GPR75: variants seen among roughly 807,000 people sequenced by gnomAD.
GPR75 encodes probable G protein-coupled receptor 75.
Under a neutral mutation model 26.0 loss-of-function variants are expected in GPR75, and 27 were observed. That is an observed-to-expected ratio of 1.04 (90% CI 0.77 to 1.43). GPR75 has a LOEUF of 1.43. Ranked by LOEUF, GPR75 falls within the 40% of genes most tolerant of loss-of-function variation. The pLI is 0.00. For synonymous variants in GPR75, 285 were observed against 256.3 expected (o/e 1.11, Z -1.07); for missense variants, 699 against 662.3 (o/e 1.06, Z -0.61).
rs140565025 is a variant in GPR75 at position 53,854,292 on chromosome 2, C to A, written c.465G>T (p.Thr155=). 110 of 1,613,810 alleles carry A rather than the reference C, an allele frequency of 6.8e-5. No individual in the cohort carries two copies. Among genetic ancestry groups the A allele is most frequent in the Non-Finnish European group, 9.2e-5 (108 of 1,179,978 alleles). The change falls in exon 2 of 2, where the codon ACG becomes ACT. Residue 155 remains threonine, a synonymous_variant. Coordinates refer to ENST00000394705, the MANE Select transcript of GPR75 (RefSeq NM_006794.4). The stretch of plus-strand genomic sequence containing the variant: ...GGAGTACGGTGCAGGGAAAGGAGGC[C>A]GTGCGATTAGGCTGTTTCCCCAACA... ...RMVLGKQPNR[T]ASFPCTVLLT... is the part of the protein sequence containing the mutation.
Position 53,853,878 on chromosome 2 carries a change from G to A in GPR75, c.879C>T (p.Asn293=). The change falls in exon 2 of 2, where the codon AAC becomes AAT. Residue 293 remains asparagine, a synonymous_variant. Coordinates refer to ENST00000394705, the MANE Select transcript of GPR75 (RefSeq NM_006794.4). ...VQTRGYTKSP[N]QLVTPAASRL... Reference sequence around the variant, plus strand: ...GGCTTGCTGCAGGGGTGACCAGTTGGTTGGGACTCTTGGTATATCCACGGG... The same window carrying A: ...GGCTTGCTGCAGGGGTGACCAGTTGATTGGGACTCTTGGTATATCCACGGG... The A allele has an allele frequency of 6.2e-7, 1 of 1,614,092 alleles. No individual in the cohort carries two copies. The highest frequency in any genetic ancestry group is 8.5e-7 in the Non-Finnish European group (1 of 1,180,010).
At chr2:53,856,926 C>T (rs896891489) in intron 1 of GPR75, among the ~76,000 whole-genome samples, 2 of 146,136 alleles carry the variant, frequency 1.4e-5, no homozygotes, top group Non-Finnish European at 3.0e-5. Context: ...ACTTTTGATA[C>T]CTATATAATG....
At position 53,854,050 on chromosome 2, in the gene GPR75, C is replaced by T; in HGVS notation, c.707G>A (p.Arg236Lys). The change falls in exon 2 of 2, where the codon AGA (arginine) becomes AAA (lysine). Residue 236 changes from arginine to lysine, a missense_variant. Transcript: ENST00000394705. ...GACTGTGATTACAGGGGGGCACTTT[C>T]TGACTTGAGCGTTCTTCCGCAGGGT... The part of the protein sequence containing the change: ...AQTLRKNAQV[R>K]KCPPVITVDA... 6.2e-7 allele frequency: 1 copy of T among 1,614,182 alleles called. No individual in the cohort carries two copies.
intron 1 of GPR75, among the ~76,000 whole-genome samples, chr2:53,856,072 T>C (rs1385562968): frequency 6.6e-6 from 1 of 152,224 alleles, no homozygotes; most frequent in Admixed American, 6.5e-5. Flanking sequence ...CATTCCTGCA[T>C]TCGTTCGCTC....
At chr2:53,857,425 T>C (rs1022906595) in intron 1 of GPR75, among the ~76,000 whole-genome samples, 12 of 152,004 alleles carry the variant, frequency 7.9e-5, no homozygotes, top group Admixed American at 3.9e-4. Flanking sequence ...GGTTTCCTCT[T>C]TGGAGGTAGA....
Position 53,853,289 on chromosome 2 carries a change from G to T in GPR75, c.1468C>A (p.Pro490Thr), listed in dbSNP as rs755767458. 3.7e-6 allele frequency: 6 copies of T among 1,614,188 alleles called. No homozygotes were observed. The highest frequency in any genetic ancestry group is 5.1e-6 in the Non-Finnish European group (6 of 1,180,028). The change falls in exon 2 of 2, where the codon CCT becomes ACT. Residue 490 changes from proline (P) to threonine (T), a missense_variant. Physicochemically the swap from Pro to Thr is conservative, Grantham distance 38 (BLOSUM62 -1). Coordinates refer to ENST00000394705, the MANE Select transcript of GPR75 (RefSeq NM_006794.4). Reference sequence around the variant, plus strand: ...CATGGGCTGCTCTCCTCCTGGGAAGGGCTGCTGTTATAGATGCTGTAGTAA... The same window carrying T: ...CATGGGCTGCTCTCCTCCTGGGAAGTGCTGCTGTTATAGATGCTGTAGTAA... Reference protein sequence around the residue: ...EPYYSIYNSSPSQEESSPCNL... With the variant: ...EPYYSIYNSSTSQEESSPCNL...
At position 53,854,130 on chromosome 2, in the gene GPR75, G is replaced by A. The variant is rs1418341403; in HGVS notation, c.627C>T (p.Val209=). Reference sequence around the variant, plus strand: ...CCACAGCAACACAGAAGGTGAAGTCGACCACATAGAGAGACAAAATGGCTT... The same window carrying A: ...CCACAGCAACACAGAAGGTGAAGTCAACCACATAGAGAGACAAAATGGCTT... ...KGKAILSLYV[V]DFTFCVAVVS... is the part of the protein sequence containing the mutation. Residue 209 remains valine (V), a synonymous_variant, in exon 2 of 2, where the codon GTC becomes GTT. Coordinates refer to ENST00000394705, the MANE Select transcript of GPR75 (RefSeq NM_006794.4). 3.1e-6 allele frequency: 5 copies of A among 1,614,128 alleles called. No individual in the cohort carries two copies. Among genetic ancestry groups the A allele is most frequent in the Non-Finnish European group, 3.4e-6 (4 of 1,180,012 alleles).
Position 53,854,830 on chromosome 2 carries a change from G to C in GPR75, c.-74C>G. On this transcript the variant is annotated 5_prime_UTR_variant, in exon 2 of 2. Coordinates refer to ENST00000394705, the MANE Select transcript of GPR75 (RefSeq NM_006794.4). ...AGTCAGGGCCTCAGCTCACAGATGA[G>C]CAATATGTGACAAAAGAGGCCCAAG... is the stretch of plus-strand genomic sequence containing the variant. 1 of 1,179,052 alleles carries C rather than the reference G, an allele frequency of 8.5e-7. No homozygotes were observed. The highest frequency in any genetic ancestry group is 1.2e-6 in the Non-Finnish European group (1 of 820,216). The allele number at this position is 1,179,052 out of a possible 1,614,324, so 73.0% of individuals were successfully genotyped here. A position where few individuals can be genotyped will look rare whatever the true frequency, so the allele number is the denominator to read the frequency against.
chr2:53,853,378 A>G lies in GPR75; in HGVS notation c.1379T>C (p.Ile460Thr). 6.2e-7 allele frequency: 1 copy of G among 1,614,066 alleles called. No individual in the cohort carries two copies. The highest frequency in any genetic ancestry group is 8.5e-7 in the Non-Finnish European group (1 of 1,179,974). Residue 460 changes from isoleucine (I) to threonine (T), a missense_variant, in exon 2 of 2, where the codon ATC (isoleucine) becomes ACC (threonine). Ile to Thr is a moderately conservative substitution (Grantham distance 89). Coordinates refer to ENST00000394705, the MANE Select transcript of GPR75 (RefSeq NM_006794.4). Reference sequence around the variant, plus strand: ...ACCACAGTGTTGATGTCCAGCAGAGATCTTGGGACTCACCATACTTTCTTT... The same window carrying G: ...ACCACAGTGTTGATGTCCAGCAGAGGTCTTGGGACTCACCATACTTTCTTT... ...HSKESMVSPK[I>T]SAGHQHCGQS...
At position 53,854,788 on chromosome 2, in the gene GPR75, C is replaced by T. The variant is rs775590016; in HGVS notation, c.-32G>A. ...AGAGAAATGTCTCCTTCTTCTGCTCCCCAAAAATACTCAGTGAGTCAGGGC... is the reference window on the plus strand; with the variant it reads ...AGAGAAATGTCTCCTTCTTCTGCTCTCCAAAAATACTCAGTGAGTCAGGGC... On this transcript the variant is annotated 5_prime_UTR_variant, in exon 2 of 2. Transcript: ENST00000394705. 1.3e-6 allele frequency: 2 copies of T among 1,556,632 alleles called. No individual in the cohort carries two copies. Among genetic ancestry groups the T allele is most frequent in the Non-Finnish European group, 1.8e-6 (2 of 1,138,382 alleles).
chr2:53,856,946 ATTTTTTTTTTTT>A (rs10665107), intron 1 of GPR75, among the ~76,000 whole-genome samples: 7 of 78,958 alleles, frequency 8.9e-5, no homozygotes, highest in East Asian at 4.3e-4. Flanking sequence ...GAGAAAGACA[ATTTTTTTTTTTT>A]TTTTTTTTTT....
Position 53,854,041 on chromosome 2 carries a change from G to C in GPR75, c.716C>G (p.Pro239Arg). Residue 239 changes from proline to arginine, a missense_variant, in exon 2 of 2, where the codon CCC becomes CGC. Physicochemically the swap from Pro to Arg is moderately radical, Grantham distance 103. Transcript: ENST00000394705. ...LRKNAQVRKC[P>R]PVITVDASRP... ...GGAAGCATCGACTGTGATTACAGGG[G>C]GGCACTTTCTGACTTGAGCGTTCTT... 3 of 1,614,174 alleles carry C rather than the reference G, an allele frequency of 1.9e-6. No homozygotes were observed. The highest frequency in any genetic ancestry group is 2.5e-6 in the Non-Finnish European group (3 of 1,180,030).
intron 1 of GPR75, 83 bp from the exon 2 acceptor site, chr2:53,854,948 G>A: frequency 1.7e-6 from 1 of 584,470 alleles, no homozygotes; most frequent in South Asian, 2.2e-5. Context: ...CTCATTATTA[G>A]TAGTAGTATT....
chr2:53,857,119 G>A (rs1042423032), intron 1 of GPR75, among the ~76,000 whole-genome samples: 7 of 149,758 alleles, frequency 4.7e-5, no homozygotes, highest in African/African-American at 1.7e-4. Context: ...GCCCGCCACC[G>A]TGCCCGGCTA....
Position 53,858,440 on chromosome 2 carries a change from C to CACAT in GPR75, c.-110+1384_-110+1387dup, listed in dbSNP as rs1396339396. ...ACACACACACACACACACACACACA[C>CACAT]ACATTCTTCTATGTATCTAACTGTA... On this transcript the variant is annotated intron_variant, in intron 1 of 1. Transcript: ENST00000394705. Among the ~76,000 whole-genome samples, 4 of 147,458 alleles carry CACAT rather than the reference C, an allele frequency of 2.7e-5. No individual in the cohort carries two copies. The East Asian group carries it at 8.5e-4, about 31-fold the overall frequency.
intron 1 of GPR75, among the ~76,000 whole-genome samples, chr2:53,855,947 A>G (rs1054011197): frequency 6.6e-6 from 1 of 152,206 alleles, no homozygotes; most frequent in African/African-American, 2.4e-5. Context: ...TTGGAATTAT[A>G]TTAGAAATTT....
chr2:53,854,248 G>A lies in GPR75; in HGVS notation c.509C>T (p.Ala170Val). The A allele has an allele frequency of 1.2e-6, 2 of 1,614,082 alleles. No individual in the cohort carries two copies. The highest frequency in any genetic ancestry group is 1.7e-6 in the Non-Finnish European group (2 of 1,180,020). The stretch of plus-strand genomic sequence containing the variant: ...CAAGGTGGCAAGGGTGAAACTGGTG[G>A]CCCAGAGAAGCAGGGTGAGGAGTAC... ...CTVLLTLLLW[A>V]TSFTLATLAT... Residue 170 changes from alanine (A) to valine (V), a missense_variant, in exon 2 of 2, where the codon GCC (alanine) becomes GTC (valine). Transcript: ENST00000394705.
chr2:53,859,812 G>A lies in GPR75; in HGVS notation c.-110+16C>T. 2.6e-6 allele frequency: 4 copies of A among 1,522,510 alleles called. No individual in the cohort carries two copies. The highest frequency in any genetic ancestry group is 2.5e-5 in the East Asian group (1 of 40,096). The allele number at this position is 1,522,510 out of a possible 1,614,324, so 94.3% of individuals were successfully genotyped here. On this transcript the variant is annotated intron_variant, in intron 1 of 1. Transcript: ENST00000394705. ...ATCGTGGGGTTGTCCTCCTCCAGGG[G>A]CCCGCGGCCTCTCACCTGCCGGGTG...
In GPR75 at chr2:53,852,991, C is replaced by T. The variant is rs569678050; in HGVS notation, c.*143G>A. 4.9e-6 allele frequency: 3 copies of T among 611,340 alleles called. No homozygotes were observed. The highest frequency in any genetic ancestry group is 1.8e-5 in the African/African-American group (1 of 54,290). The allele number at this position is 611,340 out of a possible 1,614,324, so 37.9% of individuals were successfully genotyped here. On this transcript the variant is annotated 3_prime_UTR_variant, in exon 2 of 2. Transcript: ENST00000394705. ...CAAAGCAAATCAACAGATACTGACACATCAGATGAAAGAAAACCATAACTG... is the reference window on the plus strand; with the variant it reads ...CAAAGCAAATCAACAGATACTGACATATCAGATGAAAGAAAACCATAACTG...
Sources: gnomAD v4.1 joint callset for allele counts (sites outside exome capture counted in the v4.1 genomes callset) on GRCh38, gnomAD v4.1.1 for gene constraint, MANE v1.5 for transcripts, NCBI Gene and HGNC (gene_info 2026-07-23, HGNC 2026-07-21) for gene names.